The following ZSWIM6 variants were observed in gnomAD, a reference collection of about 807,000 sequenced individuals.
The protein encoded by ZSWIM6 is zinc finger SWIM-type containing 6, also known as zinc finger SWIM domain-containing protein 6.
ZSWIM6 carries 9 observed loss-of-function variants against 113.2 expected under a neutral mutation model. That is an observed-to-expected ratio of 0.08 (90% CI 0.05 to 0.14). The LOEUF (loss-of-function observed/expected upper bound fraction) is 0.14, where lower values mean the gene tolerates loss of function less well. Ranked by LOEUF, ZSWIM6 falls within the 10% of genes least tolerant of loss-of-function variation. The pLI is 1.00. For missense variants in ZSWIM6, 1,162 were observed against 1,552.2 expected (o/e 0.75, Z 4.22); for synonymous variants, 611 against 606.5 (o/e 1.01, Z -0.11).
chr5:61,439,499 GT>G, intron 1 of ZSWIM6, among the ~76,000 whole-genome samples: 1 of 152,302 alleles, frequency 6.6e-6, no homozygotes, highest in South Asian at 2.1e-4. Context: ...CATAAAACAT[GT>G]CAACAGTTAA....
intron 1 of ZSWIM6, among the ~76,000 whole-genome samples, chr5:61,414,658 A>G (rs1419964066): frequency 6.6e-6 from 1 of 152,208 alleles, no homozygotes; most frequent in Non-Finnish European, 1.5e-5. Context: ...GTATTTTGAA[A>G]TAGTTATAAG....
At chr5:61,430,587 T>C (rs1746558766) in intron 1 of ZSWIM6, among the ~76,000 whole-genome samples, 1 of 152,130 alleles carries the variant, frequency 6.6e-6, no homozygotes, top group Non-Finnish European at 1.5e-5. Flanking sequence ...TCCAACCAAA[T>C]GCAGATTGAA....
intron 1 of ZSWIM6, among the ~76,000 whole-genome samples, chr5:61,426,383 T>G (rs2112130319): frequency 6.6e-6 from 1 of 152,334 alleles, no homozygotes; most frequent in South Asian, 2.1e-4. Context: ...TTTACACCAT[T>G]TGCTTTACCA....
At chr5:61,459,256 G>A (rs947769361) in intron 1 of ZSWIM6, among the ~76,000 whole-genome samples, 38 of 152,144 alleles carry the variant, frequency 2.5e-4, no homozygotes, top group African/African-American at 8.9e-4. Context: ...AAGGAAAATT[G>A]TAGTTAGATC....
At chr5:61,337,283 C>CG (rs1227045737) in intron 1 of ZSWIM6, among the ~76,000 whole-genome samples, 1 of 147,794 alleles carries the variant, frequency 6.8e-6, no homozygotes, top group South Asian at 2.1e-4. Flanking sequence ...CGTCTCCCCC[C>CG]CCAAAAAAAA....
At chr5:61,508,795 CTA>C (rs1344597404) in intron 4 of ZSWIM6, among the ~76,000 whole-genome samples, 1 of 152,090 alleles carries the variant, frequency 6.6e-6, no homozygotes, top group African/African-American at 2.4e-5. Context: ...CCCTGAGTTT[CTA>C]TATATAAGAA....
chr5:61,386,039 TG>T (rs1160967749), intron 1 of ZSWIM6, among the ~76,000 whole-genome samples: 3 of 152,236 alleles, frequency 2.0e-5, no homozygotes, highest in Non-Finnish European at 2.9e-5. Context: ...ATGCTAAAGA[TG>T]GGAAATATTT....
chr5:61,486,883 G>T (rs184006623), intron 2 of ZSWIM6, among the ~76,000 whole-genome samples: 159 of 152,024 alleles, frequency 1.0e-3, no homozygotes, highest in Middle Eastern at 3.4e-3. Context: ...CATTCTGCAG[G>T]TTGTCTCTTC....
chr5:61,387,915 G>T (rs989741199), intron 1 of ZSWIM6, among the ~76,000 whole-genome samples: 3 of 150,390 alleles, frequency 2.0e-5, no homozygotes, highest in East Asian at 2.0e-4. Flanking sequence ...CCTCTTTGAG[G>T]GGGGGAGAAA....
chr5:61,395,604 T>C (rs1200686111), intron 1 of ZSWIM6, among the ~76,000 whole-genome samples: 1 of 148,794 alleles, frequency 6.7e-6, no homozygotes, highest in Non-Finnish European at 1.5e-5. Flanking sequence ...TAAAACAAAA[T>C]GGATATCAAA....
chr5:61,373,786 C>G (rs1488498928), intron 1 of ZSWIM6, among the ~76,000 whole-genome samples: 6 of 152,106 alleles, frequency 3.9e-5, no homozygotes. Context: ...TCATATCTTA[C>G]TCCCCCCCAC....
chr5:61,426,654 T>C (rs1295863553), intron 1 of ZSWIM6, among the ~76,000 whole-genome samples: 1 of 152,280 alleles, frequency 6.6e-6, no homozygotes, highest in Non-Finnish European at 1.5e-5. Flanking sequence ...GATCCAGTTA[T>C]GCATTTAGTT....
At chr5:61,434,389 CTG>C (rs1179574743) in intron 1 of ZSWIM6, among the ~76,000 whole-genome samples, 3 of 151,688 alleles carry the variant, frequency 2.0e-5, no homozygotes, top group African/African-American at 7.3e-5. Context: ...TTTGGTGTAT[CTG>C]TCACCTGAGC....
chr5:61,382,997 TC>T (rs1240236062), intron 1 of ZSWIM6, among the ~76,000 whole-genome samples: 1 of 152,160 alleles, frequency 6.6e-6, no homozygotes, highest in Non-Finnish European at 1.5e-5. Flanking sequence ...CAAACACCTT[TC>T]CAGGTGAAGT....
At chr5:61,438,809 G>T (rs1746764980) in intron 1 of ZSWIM6, among the ~76,000 whole-genome samples, 1 of 152,162 alleles carries the variant, frequency 6.6e-6, no homozygotes, top group African/African-American at 2.4e-5. Context: ...ACTGATGGGG[G>T]ACTGTGAGGA....
chr5:61,375,560 C>G, intron 1 of ZSWIM6: 1 of 1,537,396 alleles, frequency 6.5e-7, no homozygotes, highest in South Asian at 1.2e-5. Context: ...ATGTCAGAAA[C>G]TGAATCAGAC....
rs556716349 is a variant in ZSWIM6, at chr5:61,350,958, A to G, written c.676+18010A>G. Reference sequence around the variant, plus strand: ...CAGTTTTACCTAATTTCCTTCATTTATTCTTCTAGTTTTCTGTATTTTTCA... The same window carrying G: ...CAGTTTTACCTAATTTCCTTCATTTGTTCTTCTAGTTTTCTGTATTTTTCA... On this transcript the variant is annotated intron_variant, in intron 1 of 13. Coordinates refer to ENST00000252744, the MANE Select transcript of ZSWIM6 (RefSeq NM_020928.2). Among the ~76,000 whole-genome samples the G allele has an allele frequency of 5.9e-5, 9 of 152,330 alleles. 1 individual carries two copies. In the South Asian group the frequency reaches 1.9e-3, roughly 32 times the overall value.
intron 1 of ZSWIM6, among the ~76,000 whole-genome samples, chr5:61,406,114 C>G (rs1428858396): frequency 6.6e-6 from 1 of 152,154 alleles, no homozygotes; most frequent in East Asian, 1.9e-4. Context: ...TTGGCCTTCT[C>G]CATTAACACA....
At chr5:61,380,219 G>GCACC (rs1361895618) in intron 1 of ZSWIM6, among the ~76,000 whole-genome samples, 2 of 152,096 alleles carry the variant, frequency 1.3e-5, no homozygotes, top group African/African-American at 4.8e-5. Context: ...GGGATTACAG[G>GCACC]CACCCGCCAC....
Sources: gnomAD v4.1 joint callset for allele counts (sites outside exome capture counted in the v4.1 genomes callset) on GRCh38, gnomAD v4.1.1 for gene constraint, MANE v1.5 for transcripts, NCBI Gene and HGNC (gene_info 2026-07-23, HGNC 2026-07-21) for gene names.